Variants in EXOC6 observed in about 807,000 individuals in gnomAD.
EXOC6 encodes the protein SEC15-like 1.
In EXOC6, 60 loss-of-function variants were observed where a neutral mutation model predicts 112.5. The observed-to-expected ratio is 0.53, with a 90% CI of 0.43 to 0.66. EXOC6 has a LOEUF of 0.66. EXOC6 is among the 30% of genes least tolerant of loss of function. The pLI is 0.00. For synonymous variants in EXOC6, 295 were observed against 308.0 expected, an observed-to-expected ratio of 0.96 and a Z score of 0.44; for missense variants, 855 against 957.1, an observed-to-expected ratio of 0.89 and a Z score of 1.41.
chr10:92,959,732 A>G (rs1327669322), intron 17 of EXOC6, among the ~76,000 whole-genome samples: 1 of 152,260 alleles, frequency 6.6e-6, no homozygotes, highest in African/African-American at 2.4e-5. Flanking sequence ...AAGAAGATAC[A>G]GAGATACCAG....
intron 4 of EXOC6, among the ~76,000 whole-genome samples, chr10:92,896,353 T>C (rs1441746624): frequency 4.0e-5 from 6 of 148,716 alleles, no homozygotes; most frequent in Admixed American, 6.7e-5. Context: ...GCCACCACCA[T>C]GCCTGCCTAA....
At chr10:92,937,147 T>G (rs1233468797) in intron 12 of EXOC6, among the ~76,000 whole-genome samples, 1 of 152,226 alleles carries the variant, frequency 6.6e-6, no homozygotes, top group Non-Finnish European at 1.5e-5. Flanking sequence ...TTGATTGCAT[T>G]TTCTTTTCCT....
chr10:92,866,844 T>C lies in EXOC6; in HGVS notation c.101+18210T>C, dbSNP rs142240045. On this transcript the variant is annotated intron_variant, in intron 1 of 21. Transcript: ENST00000260762. The stretch of plus-strand genomic sequence containing the variant: ...TTTGAGTTAGTTTCCATAAGAATTT[T>C]TCTTAAGTCTAACACATTTAACATA... 1.4e-3 allele frequency among the ~76,000 whole-genome samples: 212 copies of C among 152,308 alleles called. 2 individuals are homozygous for C. The East Asian group carries it at 0.018, about 13-fold the overall frequency.
intron 17 of EXOC6, among the ~76,000 whole-genome samples, chr10:92,967,262 T>G (rs1842108742): frequency 6.6e-6 from 1 of 152,220 alleles, no homozygotes; most frequent in Non-Finnish European, 1.5e-5. Context: ...GAAGGTAGTT[T>G]CTTTTGCTGT....
intron 1 of EXOC6, among the ~76,000 whole-genome samples, chr10:92,837,181 G>A (rs1293504846): frequency 1.3e-5 from 2 of 149,896 alleles, no homozygotes; most frequent in Non-Finnish European, 3.0e-5. Context: ...CTCCTATCTA[G>A]ATGTGAATAT....
chr10:92,829,466 G>A (rs143941288), intron 1 of EXOC6, among the ~76,000 whole-genome samples: 2 of 152,166 alleles, frequency 1.3e-5, no homozygotes, highest in African/African-American at 4.8e-5. Context: ...GATTTCCTTG[G>A]CATGAGGCAA....
chr10:92,852,318 A>G (rs990680143), intron 1 of EXOC6, among the ~76,000 whole-genome samples: 4 of 152,230 alleles, frequency 2.6e-5, no homozygotes, highest in Admixed American at 2.6e-4. Flanking sequence ...CCAATTCTAC[A>G]AAGACTTTTC....
In EXOC6 at chr10:92,955,604, A is replaced by G. The variant is rs772688556; in HGVS notation, c.1663A>G (p.Thr555Ala). 1 of 1,611,556 alleles carries G rather than the reference A, an allele frequency of 6.2e-7. No individual in the cohort carries two copies. The highest frequency in any genetic ancestry group is 8.5e-7 in the Non-Finnish European group (1 of 1,178,678). The change falls in exon 17 of 22, where the codon ACA becomes GCA. Residue 555 changes from threonine to alanine, a missense_variant. Physicochemically the swap from Thr to Ala is moderately conservative, Grantham distance 58 (BLOSUM62 0). Coordinates refer to ENST00000260762, the MANE Select transcript of EXOC6 (RefSeq NM_019053.6). The part of the protein sequence containing the change: ...TELVQIIINT[T>A]HLEQACKYLE... ...GCTGGTACAAATCATCATAAACACA[A>G]CACACCTGGAGCAAGCTTGTAAATA...
intron 20 of EXOC6, among the ~76,000 whole-genome samples, chr10:93,031,605 C>G (rs1845279711): frequency 6.6e-6 from 1 of 151,058 alleles, no homozygotes; most frequent in Admixed American, 6.6e-5. Flanking sequence ...CTCCGCCTCC[C>G]AGGTTCAAGC....
At chr10:92,880,541 AATAG>A (rs1181886923) in intron 1 of EXOC6, among the ~76,000 whole-genome samples, 1 of 152,192 alleles carries the variant, frequency 6.6e-6, no homozygotes, top group Non-Finnish European at 1.5e-5. Flanking sequence ...TGAATGTAGA[AATAG>A]AAGACACCTT....
At chr10:92,956,833 G>A (rs1226943451) in intron 17 of EXOC6, among the ~76,000 whole-genome samples, 1 of 152,082 alleles carries the variant, frequency 6.6e-6, no homozygotes. Flanking sequence ...GTTCTTTAAT[G>A]TAAATGATTC....
chr10:93,018,951 C>CT (rs779801837), intron 20 of EXOC6, among the ~76,000 whole-genome samples: 1 of 151,984 alleles, frequency 6.6e-6, no homozygotes, highest in Non-Finnish European at 1.5e-5. Flanking sequence ...GGTAAAAAAA[C>CT]TTCCAGGACT....
chr10:92,989,274 A>G (rs1843136000), intron 18 of EXOC6, among the ~76,000 whole-genome samples: 1 of 152,224 alleles, frequency 6.6e-6, no homozygotes, highest in Non-Finnish European at 1.5e-5. Flanking sequence ...AAGCGTATAA[A>G]AGTATACTGC....
intron 8 of EXOC6, among the ~76,000 whole-genome samples, chr10:92,921,438 G>C (rs1851437698): frequency 1.3e-5 from 2 of 151,360 alleles, no homozygotes; most frequent in Admixed American, 6.6e-5. Context: ...AGTAGAAATG[G>C]GGTTTCACCT....
chr10:92,942,639 T>G (rs1164059277), intron 13 of EXOC6, among the ~76,000 whole-genome samples: 2 of 152,194 alleles, frequency 1.3e-5, no homozygotes, highest in Non-Finnish European at 2.9e-5. Context: ...CTAGAACATA[T>G]ATGCTATGAT....
intron 1 of EXOC6, among the ~76,000 whole-genome samples, chr10:92,849,161 C>G (rs1445727034): frequency 3.3e-5 from 5 of 152,140 alleles, no homozygotes; most frequent in South Asian, 2.1e-4. Context: ...CCCGCTTTCC[C>G]CCTACTCCCC....
chr10:92,872,128 T>C (rs891983527), intron 1 of EXOC6, among the ~76,000 whole-genome samples: 2 of 152,080 alleles, frequency 1.3e-5, no homozygotes, highest in Non-Finnish European at 2.9e-5. Context: ...TTATTGACGT[T>C]ATTATTTAAT....
chr10:92,962,441 G>A (rs1445943859), intron 17 of EXOC6, among the ~76,000 whole-genome samples: 4 of 151,976 alleles, frequency 2.6e-5, no homozygotes, highest in Non-Finnish European at 5.9e-5. Flanking sequence ...CCAGGTTAGA[G>A]TGCAGTGACT....
chr10:92,883,357 TTAAAGAATG>T (rs1386590871), intron 1 of EXOC6, among the ~76,000 whole-genome samples: 8 of 152,332 alleles, frequency 5.3e-5, no homozygotes, highest in Admixed American at 5.2e-4. Context: ...TAGCAGCATT[TTAAAGAATG>T]TTTAGTTTGT....
Sources: allele counts gnomAD v4.1 joint callset (sites outside exome capture counted in the v4.1 genomes callset), GRCh38; gene constraint gnomAD v4.1.1; transcripts MANE v1.5; gene names NCBI Gene and HGNC (gene_info 2026-07-23, HGNC 2026-07-21).